Variants in LLGL1 observed in about 807,000 individuals in gnomAD.
The protein encoded by LLGL1 is lethal(2) giant larvae protein homolog 1.
LLGL1 carries 58 observed loss-of-function variants against 110.6 expected under a neutral mutation model. That is an observed-to-expected ratio of 0.52 (90% CI 0.42 to 0.65). The LOEUF is 0.65. LLGL1 is among the 30% of genes least tolerant of loss of function. The pLI is 0.00. For synonymous variants in LLGL1, 674 were observed against 607.2 expected (o/e 1.11, Z -1.62); for missense variants, 1,229 against 1,462.1 (o/e 0.84, Z 2.60).
intron 1 of LLGL1, among the ~76,000 whole-genome samples, chr17:18,226,996 C>T (rs1472094702): frequency 6.6e-6 from 1 of 152,240 alleles, no homozygotes; most frequent in Non-Finnish European, 1.5e-5. Flanking sequence ...TTCTTGAGTT[C>T]TTGTGTCAGT....
At chr17:18,237,223 G>A (rs2047713056) in intron 13 of LLGL1, 3 of 596,356 alleles carry the variant, frequency 5.0e-6, no homozygotes, top group Admixed American at 6.0e-5. Context: ...GGGAGATAGA[G>A]GCTCAGGGTA....
chr17:18,232,846 T>TC, intron 4 of LLGL1, 44 bp downstream of exon 4: 1 of 1,611,310 alleles, frequency 6.2e-7, no homozygotes, highest in African/African-American at 1.3e-5. Context: ...GCAGGGAGGA[T>TC]CTGGGGGAGG....
Position 18,242,179 on chromosome 17 carries a change from G to C in LLGL1, c.2896G>C (p.Glu966Gln). ...DATQASYRIR[E>Q]SPKLSQANGT... is the part of the protein sequence containing the mutation. ...CCATCTCTGCAGTTACAGGATCCGA[G>C]AGTCACCCAAGCTGAGCCAGGCTAA... is the stretch of plus-strand genomic sequence containing the variant. Residue 966 changes from glutamate (E) to glutamine (Q), a missense_variant, in exon 20 of 23, where the codon GAG becomes CAG. Physicochemically the swap from Glu to Gln is conservative, Grantham distance 29. Transcript: ENST00000316843. 6.2e-7 allele frequency: 1 copy of C among 1,613,924 alleles called. No individual in the cohort carries two copies. The highest frequency in any genetic ancestry group is 8.5e-7 in the Non-Finnish European group (1 of 1,179,922).
At position 18,240,924 on chromosome 17, in the gene LLGL1, C is replaced by T. The variant is rs781563851; in HGVS notation, c.2502+51C>T. On this transcript the variant is annotated intron_variant, in intron 17 of 22. Transcript: ENST00000316843. This position sits in a 1 kb window ranked among gnomAD's most constrained non-coding sequence, Gnocchi z 5.3. ...CTCTGGGGGACTCCCCTCCAGGCCC[C>T]AACCTCATGGACACCATTGGACCCT... 2 of 1,462,774 alleles carry T rather than the reference C, an allele frequency of 1.4e-6. No homozygotes were observed. The highest frequency in any genetic ancestry group is 2.5e-5 in the East Asian group (1 of 39,910). The allele number at this position is 1,462,774 out of a possible 1,614,324, so 90.6% of individuals were successfully genotyped here.
In LLGL1 at chr17:18,238,442, C is replaced by G. The variant is rs893544242; in HGVS notation, c.2053-14C>G. 7 of 1,599,098 alleles carry G rather than the reference C, an allele frequency of 4.4e-6. No homozygotes were observed. In the African/African-American group the frequency reaches 6.7e-5, roughly 15 times the overall value. ...GTGCTAGGGAGACAGTGTTCAGGAGCCCCCGCCCGGCAGTTGCAGGAAGCC... is the reference window on the plus strand; with the variant it reads ...GTGCTAGGGAGACAGTGTTCAGGAGGCCCCGCCCGGCAGTTGCAGGAAGCC... On this transcript the variant is annotated splice_polypyrimidine_tract_variant and intron_variant, in intron 15 of 22. Coordinates refer to ENST00000316843, the MANE Select transcript of LLGL1 (RefSeq NM_004140.4).
At chr17:18,232,921 A>C in intron 4 of LLGL1, 119 bp downstream of exon 4, 1 of 1,337,472 alleles carries the variant, frequency 7.5e-7, no homozygotes, top group African/African-American at 1.4e-5. Context: ...GGATGCCTTG[A>C]GCTGGGCCTG....
chr17:18,235,684 A>G (rs1247290764), intron 11 of LLGL1, 147 bp downstream of exon 11: 1 of 721,610 alleles, frequency 1.4e-6, no homozygotes, highest in Non-Finnish European at 2.3e-6. Context: ...GGTGGTTTGG[A>G]ATGAAACCTC....
chr17:18,237,868 C>T (rs1490724706), intron 14 of LLGL1, 95 bp downstream of exon 14: 3 of 1,390,226 alleles, frequency 2.2e-6, no homozygotes, highest in African/African-American at 2.9e-5. Flanking sequence ...TGGCAAAGGC[C>T]ACTAACCTCC....
rs1261645141 is a variant in LLGL1, at chr17:18,235,117, G to A, written c.1089G>A (p.Val363=). The A allele has an allele frequency of 6.2e-7, 1 of 1,613,896 alleles. No homozygotes were observed. ...DEFDDPQALA[V]LLEEELVVLD... is the part of the protein sequence containing the mutation. ...TTGATGACCCCCAGGCCCTGGCTGTGCTGCTGGAAGAGGAGCTGGTGGTGC... is the reference window on the plus strand; with the variant it reads ...TTGATGACCCCCAGGCCCTGGCTGTACTGCTGGAAGAGGAGCTGGTGGTGC... Residue 363 remains valine, a synonymous_variant, in exon 10 of 23, where the codon GTG becomes GTA. Transcript: ENST00000316843.
In LLGL1 at chr17:18,237,957, G is replaced by A. The variant is rs984330032; in HGVS notation, c.1905-110G>A. On this transcript the variant is annotated intron_variant, in intron 14 of 22. Coordinates refer to ENST00000316843, the MANE Select transcript of LLGL1 (RefSeq NM_004140.4). Reference sequence around the variant, plus strand: ...CCTGCAGCTGGGTCCATAGGACTGCGCCAGAGGGGCTGTGACTCCCTGACC... The same window carrying A: ...CCTGCAGCTGGGTCCATAGGACTGCACCAGAGGGGCTGTGACTCCCTGACC... 1.6e-5 allele frequency: 22 copies of A among 1,386,926 alleles called. No homozygotes were observed. The Admixed American group carries it at 2.0e-4, about 13-fold the overall frequency. The allele number at this position is 1,386,926 out of a possible 1,614,324, so 85.9% of individuals were successfully genotyped here.
Position 18,244,417 on chromosome 17 carries a change from G to GTAT in LLGL1, c.*513_*515dup. ...CCACCACGCCCAGCTAATTTTTTCT[G>GTAT]TATTTTTAGTAGAGATGGGGTTTCA... On this transcript the variant is annotated 3_prime_UTR_variant, in exon 23 of 23. Coordinates refer to ENST00000316843, the MANE Select transcript of LLGL1 (RefSeq NM_004140.4). 1 of 151,626 alleles carries GTAT rather than the reference G, an allele frequency of 6.6e-6. No homozygotes were observed. Among genetic ancestry groups the GTAT allele is most frequent in the African/African-American group, 2.4e-5 (1 of 41,302 alleles). 9.4% of individuals were successfully genotyped at this position (151,626 alleles called of 1,614,324 possible). A position where few individuals can be genotyped will look rare whatever the true frequency, so the allele number is the denominator to read the frequency against.
At chr17:18,233,469 G>A (rs1038054663) in intron 4 of LLGL1, among the ~76,000 whole-genome samples, 4 of 152,130 alleles carry the variant, frequency 2.6e-5, no homozygotes, top group Admixed American at 6.5e-5. Flanking sequence ...GGGGCTCAGC[G>A]GGGAGCTCCT....
Position 18,238,100 on chromosome 17 carries a change from G to A in LLGL1, c.1938G>A (p.Met646Ile), listed in dbSNP as rs771657062. The A allele has an allele frequency of 6.2e-7, 1 of 1,613,890 alleles. No homozygotes were observed. The highest frequency in any genetic ancestry group is 8.5e-7 in the Non-Finnish European group (1 of 1,180,010). The change falls in exon 15 of 23, where the codon ATG becomes ATA. Residue 646 changes from methionine to isoleucine, a missense_variant. Physicochemically the swap from Met to Ile is conservative, Grantham distance 10. Transcript: ENST00000316843. Reference sequence around the variant, plus strand: ...TTCACCCCAATGACTCCCTGGCCATGGAGGGTCCGCTCTCCCGGGTGAAGT... The same window carrying A: ...TTCACCCCAATGACTCCCTGGCCATAGAGGGTCCGCTCTCCCGGGTGAAGT... ...CTLHPNDSLAMEGPLSRVKSL... is the reference protein window; with the variant it reads ...CTLHPNDSLAIEGPLSRVKSL...
chr17:18,237,797 G>C lies in LLGL1; in HGVS notation c.1904+24G>C, dbSNP rs201246066. ...AGGTGTGTGGGGTGGGGCCGGCTGGGCAGTTGGAGCCCCCAGCGAGATGGG... is the reference window on the plus strand; with the variant it reads ...AGGTGTGTGGGGTGGGGCCGGCTGGCCAGTTGGAGCCCCCAGCGAGATGGG... On this transcript the variant is annotated intron_variant, in intron 14 of 22. Transcript: ENST00000316843. 5.2e-5 allele frequency: 82 copies of C among 1,584,084 alleles called. No individual in the cohort carries two copies. The Middle Eastern group carries it at 1.2e-3, about 23-fold the overall frequency.
intron 1 of LLGL1, among the ~76,000 whole-genome samples, chr17:18,226,433 G>T (rs995785978): frequency 7.9e-5 from 12 of 152,186 alleles, no homozygotes; most frequent in Admixed American, 2.0e-4. Flanking sequence ...CGAGGCAGCT[G>T]TGGGGGGTGC....
rs558864072 is a variant in LLGL1, at chr17:18,233,650, C to T, written c.393-128C>T. 4 of 961,186 alleles carry T rather than the reference C, an allele frequency of 4.2e-6. No individual in the cohort carries two copies. The East Asian group carries it at 7.3e-5, about 18-fold the overall frequency. 59.5% of individuals were successfully genotyped at this position (961,186 alleles called of 1,614,324 possible). On this transcript the variant is annotated intron_variant, in intron 4 of 22. Coordinates refer to ENST00000316843, the MANE Select transcript of LLGL1 (RefSeq NM_004140.4). Reference sequence around the variant, plus strand: ...TGATGCATGTCTTCCTGGGGTGGCTCTGTAAGTAGGCCCTGGTGAGTGCTG... The same window carrying T: ...TGATGCATGTCTTCCTGGGGTGGCTTTGTAAGTAGGCCCTGGTGAGTGCTG...
At chr17:18,231,751 C>T (rs2047575126) in intron 2 of LLGL1, among the ~76,000 whole-genome samples, 1 of 152,182 alleles carries the variant, frequency 6.6e-6, no homozygotes, top group Non-Finnish European at 1.5e-5. Context: ...ACCTTTGCCT[C>T]CCGGGTTCAA....
In LLGL1 at chr17:18,237,687, C is replaced by G; in HGVS notation, c.1818C>G (p.Leu606=). Residue 606 remains leucine (L), a synonymous_variant, in exon 14 of 23, where the codon CTC becomes CTG. Transcript: ENST00000316843. ...LPPAAVTAVT[L]HTEWSLVAFG... ...CAGCTGCTGTAACCGCTGTCACACT[C>G]CACACCGAGTGGAGCCTCGTGGCTT... 2 of 1,612,956 alleles carry G rather than the reference C, an allele frequency of 1.2e-6. No homozygotes were observed. Among genetic ancestry groups the G allele is most frequent in the Admixed American group, 3.3e-5 (2 of 60,020 alleles).
chr17:18,227,773 C>T (rs2605135), intron 1 of LLGL1, among the ~76,000 whole-genome samples: 54,918 of 152,124 alleles, frequency 0.36, 10,634 homozygotes, highest in East Asian at 0.6. Flanking sequence ...CCCACTCTGG[C>T]TAGCCTTGGG....
Sources: allele counts gnomAD v4.1 joint callset (sites outside exome capture counted in the v4.1 genomes callset), GRCh38; gene constraint gnomAD v4.1.1; non-coding constraint Gnocchi (gnomAD v3.1); transcripts MANE v1.5; gene names NCBI Gene and HGNC (gene_info 2026-07-23, HGNC 2026-07-21).